The following NALCN variants were observed in gnomAD, a reference collection of about 807,000 sequenced individuals.
The protein encoded by NALCN is sodium leak channel NALCN.
Under a neutral mutation model 225.3 loss-of-function variants are expected in NALCN, and 111 were observed. That is an observed-to-expected ratio of 0.49 (90% CI 0.42 to 0.58). The LOEUF (loss-of-function observed/expected upper bound fraction) is 0.58. NALCN is among the 20% of genes least tolerant of loss of function. The pLI is 0.00. For synonymous variants in NALCN, 764 were observed against 769.0 expected, an observed-to-expected ratio of 0.99 and a Z score of 0.11; for missense variants, 1,378 against 2,202.4, an observed-to-expected ratio of 0.63 and a Z score of 7.49.
intron 41 of NALCN, 113 bp from the exon 42 acceptor site, chr13:101,060,080 C>A: frequency 8.5e-7 from 1 of 1,182,328 alleles, no homozygotes. Context: ...TGACGGGTGA[C>A]CTCTTAGGAA....
In NALCN at chr13:101,172,805, G is replaced by C. The variant is rs562632030; in HGVS notation, c.1839+3495C>G. On this transcript the variant is annotated intron_variant, in intron 15 of 43. Coordinates refer to ENST00000251127, the MANE Select transcript of NALCN (RefSeq NM_052867.4). ...GATGGTCTCGATCTCCTGACCTCGTGATCCGCCCACCTCAGCCTCCCCAAG... is the reference window on the plus strand; with the variant it reads ...GATGGTCTCGATCTCCTGACCTCGTCATCCGCCCACCTCAGCCTCCCCAAG... Among the ~76,000 whole-genome samples the C allele has an allele frequency of 3.7e-3, 566 of 152,120 alleles. 1 individual carries two copies. The highest frequency in any genetic ancestry group is 6.6e-3 in the Non-Finnish European group (447 of 67,998).
chr13:101,187,173 T>A (rs2039484115), intron 14 of NALCN, among the ~76,000 whole-genome samples: 1 of 152,234 alleles, frequency 6.6e-6, no homozygotes, highest in Admixed American at 6.5e-5. Context: ...CGTATTCACA[T>A]AACTTTTATT....
chr13:101,200,297 A>G (rs1363978461), intron 13 of NALCN, among the ~76,000 whole-genome samples: 1 of 152,162 alleles, frequency 6.6e-6, no homozygotes, highest in African/African-American at 2.4e-5. Context: ...GACCCTGAAG[A>G]CATCTTTGGT....
intron 9 of NALCN, among the ~76,000 whole-genome samples, chr13:101,286,112 T>C (rs1443784822): frequency 1.3e-5 from 2 of 152,236 alleles, no homozygotes; most frequent in Non-Finnish European, 2.9e-5. Context: ...CCCTGAATTA[T>C]ACAACATTTA....
chr13:101,258,135 A>G (rs1222068993), intron 11 of NALCN, among the ~76,000 whole-genome samples: 1 of 152,144 alleles, frequency 6.6e-6, no homozygotes, highest in Non-Finnish European at 1.5e-5. Flanking sequence ...AAACTAATGT[A>G]CGCTGAGAAA....
Position 101,292,296 on chromosome 13 carries a change from A to T in NALCN, c.870T>A (p.Ile290=). 1 of 1,614,144 alleles carries T rather than the reference A, an allele frequency of 6.2e-7. No individual in the cohort carries two copies. Among genetic ancestry groups the T allele is most frequent in the Non-Finnish European group, 8.5e-7 (1 of 1,180,038 alleles). Residue 290 remains isoleucine, a synonymous_variant, in exon 8 of 44, where the codon ATT becomes ATA. Coordinates refer to ENST00000251127, the MANE Select transcript of NALCN (RefSeq NM_052867.4). This position sits in a 1 kb window ranked among gnomAD's most constrained non-coding sequence, Gnocchi z 4.3. Reference sequence around the variant, plus strand: ...AGGAACGCCAACGGGGAAAGCTGTCAATTGCTCTGTACATGAGGAACACCC... The same window carrying T: ...AGGAACGCCAACGGGGAAAGCTGTCTATTGCTCTGTACATGAGGAACACCC... ...EGWVFLMYRA[I]DSFPRWRSYF...
chr13:101,396,362 G>A (rs894954970), intron 2 of NALCN, among the ~76,000 whole-genome samples: 2 of 151,842 alleles, frequency 1.3e-5, no homozygotes, highest in Admixed American at 6.6e-5. Context: ...ATCCAAATAC[G>A]TTTTTATTGA....
chr13:101,247,100 T>C (rs944151537), intron 11 of NALCN, among the ~76,000 whole-genome samples: 19 of 152,116 alleles, frequency 1.2e-4, no homozygotes, highest in African/African-American at 4.1e-4. Context: ...TTGCTTCCTA[T>C]AGGGTGAGGA....
intron 14 of NALCN, among the ~76,000 whole-genome samples, chr13:101,177,054 T>C (rs1253046866): frequency 6.6e-6 from 1 of 152,220 alleles, no homozygotes; most frequent in Non-Finnish European, 1.5e-5. Flanking sequence ...GCAGGTGCTA[T>C]GTTGTGAGGA....
chr13:101,092,806 T>A (rs1171886664), intron 28 of NALCN, among the ~76,000 whole-genome samples: 1 of 152,182 alleles, frequency 6.6e-6, no homozygotes, highest in Admixed American at 6.5e-5. Context: ...ACCTTCTTCC[T>A]AGAACATATC....
chr13:101,072,375 T>G (rs953641589), intron 37 of NALCN, among the ~76,000 whole-genome samples: 1 of 152,180 alleles, frequency 6.6e-6, no homozygotes, highest in Non-Finnish European at 1.5e-5. Context: ...TAAGCCCCAT[T>G]CTTGGAACAC....
intron 18 of NALCN, among the ~76,000 whole-genome samples, chr13:101,123,956 CA>C (rs1461875057): frequency 2.6e-5 from 4 of 152,124 alleles, no homozygotes; most frequent in African/African-American, 7.2e-5. Flanking sequence ...CTCCAGCTCC[CA>C]ATCTTGAGTT....
intron 6 of NALCN, among the ~76,000 whole-genome samples, chr13:101,375,415 C>T (rs1220135949): frequency 6.6e-6 from 1 of 152,134 alleles, no homozygotes; most frequent in Non-Finnish European, 1.5e-5. Flanking sequence ...TGTCTATACT[C>T]ACAGAGATAT....
intron 1 of NALCN, among the ~76,000 whole-genome samples, chr13:101,404,189 C>T (rs965317378): frequency 1.6e-4 from 25 of 152,114 alleles, no homozygotes; most frequent in African/African-American, 6.0e-4. Context: ...CTTATTCCTT[C>T]AGTACCTTAC....
At chr13:101,355,802 A>C (rs1446554108) in intron 6 of NALCN, among the ~76,000 whole-genome samples, 2 of 152,176 alleles carry the variant, frequency 1.3e-5, no homozygotes, top group Non-Finnish European at 2.9e-5. Flanking sequence ...ATTGGAAGTA[A>C]AACACTGCTC....
chr13:101,231,825 C>A (rs1444232166), intron 12 of NALCN, among the ~76,000 whole-genome samples: 1 of 152,072 alleles, frequency 6.6e-6, no homozygotes, highest in Non-Finnish European at 1.5e-5. Flanking sequence ...CCTCTGGCTT[C>A]TTCAACTCTG....
intron 17 of NALCN, among the ~76,000 whole-genome samples, chr13:101,126,324 C>A (rs910810965): frequency 2.0e-5 from 3 of 152,106 alleles, no homozygotes; most frequent in Admixed American, 6.5e-5. Flanking sequence ...GAATTGGTTT[C>A]ATTATTCACT....
At chr13:101,176,255 T>A in intron 15 of NALCN, 45 bp downstream of exon 15, 1 of 1,420,050 alleles carries the variant, frequency 7.0e-7, no homozygotes, top group East Asian at 2.6e-5. Context: ...GGTTTGCCCC[T>A]GGTTTTTTGT....
intron 30 of NALCN, among the ~76,000 whole-genome samples, chr13:101,088,966 C>T (rs112176210): frequency 8.1e-5 from 12 of 148,242 alleles, no homozygotes; most frequent in African/African-American, 2.5e-4. Flanking sequence ...GGTGTGATCT[C>T]GGCTCACTGC....
Sources: gnomAD v4.1 joint callset for allele counts (sites outside exome capture counted in the v4.1 genomes callset) on GRCh38, gnomAD v4.1.1 for gene constraint, Gnocchi (gnomAD v3.1) non-coding constraint, MANE v1.5 for transcripts, NCBI Gene and HGNC (gene_info 2026-07-23, HGNC 2026-07-21) for gene names.